Variants in FAM117A observed in about 807,000 individuals in gnomAD.
The protein encoded by FAM117A is protein FAM117A.
In FAM117A, 21 loss-of-function variants were observed where a neutral mutation model predicts 44.1. The observed-to-expected ratio is 0.48, with a 90% confidence interval of 0.34 to 0.69. FAM117A has a LOEUF of 0.69. Among genes scored for constraint, FAM117A ranks in the 30% least tolerant of loss-of-function variants. The pLI is 0.01. For missense variants in FAM117A, 498 were observed against 589.9 expected, an observed-to-expected ratio of 0.84 and a Z score of 1.61; for synonymous variants, 220 against 238.3, an observed-to-expected ratio of 0.92 and a Z score of 0.71.
At chr17:49,769,876 A>G (rs974721896) in intron 1 of FAM117A, among the ~76,000 whole-genome samples, 3 of 152,130 alleles carry the variant, frequency 2.0e-5, no homozygotes, top group African/African-American at 7.2e-5. Context: ...ATGCCCAGAC[A>G]AGGGGAGGAC....
intron 7 of FAM117A, among the ~76,000 whole-genome samples, chr17:49,711,832 G>A (rs1025742504): frequency 6.6e-6 from 1 of 152,202 alleles, no homozygotes; most frequent in Non-Finnish European, 1.5e-5. Flanking sequence ...TGGAGACCAA[G>A]AAATCTTTTC....
intron 7 of FAM117A, among the ~76,000 whole-genome samples, chr17:49,714,749 C>T (rs541205946): frequency 2.6e-5 from 4 of 151,658 alleles, no homozygotes; most frequent in South Asian, 2.1e-4. Flanking sequence ...CAGGTTCAAG[C>T]GATTCTCCTG....
intron 7 of FAM117A, among the ~76,000 whole-genome samples, chr17:49,715,830 C>G (rs1195608213): frequency 6.6e-6 from 1 of 152,156 alleles, no homozygotes; most frequent in Non-Finnish European, 1.5e-5. Flanking sequence ...CTCTCTCTCT[C>G]TGATTATGGT....
At chr17:49,782,705 A>AAC (rs1477606073) in intron 1 of FAM117A, among the ~76,000 whole-genome samples, 1 of 150,870 alleles carries the variant, frequency 6.6e-6, no homozygotes, top group African/African-American at 2.5e-5. Flanking sequence ...AAAAAAAAAA[A>AAC]AAAAAACCCT....
In FAM117A at chr17:49,731,616, G is replaced by C. The variant is rs144378638; in HGVS notation, c.366+935C>G. Reference sequence around the variant, plus strand: ...CTTGAATGGGTACACTGAAATCCCAGTCGGGGCTGCTGGCAAGGAAGAATT... The same window carrying C: ...CTTGAATGGGTACACTGAAATCCCACTCGGGGCTGCTGGCAAGGAAGAATT... On this transcript the variant is annotated intron_variant, in intron 2 of 7. Coordinates refer to ENST00000240364, the MANE Select transcript of FAM117A (RefSeq NM_030802.4). Among the ~76,000 whole-genome samples, 43 of 152,300 alleles carry C rather than the reference G, an allele frequency of 2.8e-4. No homozygotes were observed. The East Asian group carries it at 7.5e-3, about 27-fold the overall frequency.
intron 1 of FAM117A, among the ~76,000 whole-genome samples, chr17:49,740,492 G>A (rs917714279): frequency 1.4e-4 from 21 of 152,078 alleles, no homozygotes; most frequent in African/African-American, 4.1e-4. Flanking sequence ...CTTGTGATCC[G>A]CCCACCTTGT....
chr17:49,734,115 C>A (rs546210822), intron 1 of FAM117A, among the ~76,000 whole-genome samples: 1 of 149,800 alleles, frequency 6.7e-6, no homozygotes, highest in Non-Finnish European at 1.5e-5. Flanking sequence ...TGCTCTCCAG[C>A]CTGGACAACA....
chr17:49,716,331 G>C lies in FAM117A; in HGVS notation c.911-16C>G, dbSNP rs1567825422. Reference sequence around the variant, plus strand: ...GGAGAGGAGGCTGTGAACAGAGCAAGGCTAAGTCTAGTGGAGATGAAGGGA... The same window carrying C: ...GGAGAGGAGGCTGTGAACAGAGCAACGCTAAGTCTAGTGGAGATGAAGGGA... On this transcript the variant is annotated splice_polypyrimidine_tract_variant and intron_variant, in intron 6 of 7. Transcript: ENST00000240364. The C allele has an allele frequency of 1.3e-6, 2 of 1,546,762 alleles. No individual in the cohort carries two copies. Among genetic ancestry groups the C allele is most frequent in the East Asian group, 4.6e-5 (2 of 43,804 alleles).
intron 1 of FAM117A, among the ~76,000 whole-genome samples, chr17:49,740,863 A>G (rs997770264): frequency 1.3e-5 from 2 of 152,216 alleles, no homozygotes; most frequent in Non-Finnish European, 2.9e-5. Flanking sequence ...CAGGAATGGC[A>G]TTAGAGGAAA....
At chr17:49,779,768 G>A (rs1740267234) in intron 1 of FAM117A, among the ~76,000 whole-genome samples, 1 of 152,128 alleles carries the variant, frequency 6.6e-6, no homozygotes, top group African/African-American at 2.4e-5. Flanking sequence ...GTTTTCCAGG[G>A]GTATTAATGG....
intron 6 of FAM117A, among the ~76,000 whole-genome samples, chr17:49,717,069 T>TA (rs1028712494): frequency 6.0e-4 from 87 of 144,940 alleles, no homozygotes; most frequent in South Asian, 8.7e-4. Context: ...AGATTTGGAG[T>TA]AAAAAAAAAA....
intron 1 of FAM117A, among the ~76,000 whole-genome samples, chr17:49,759,625 C>T (rs866115810): frequency 3.0e-4 from 45 of 152,302 alleles, no homozygotes; most frequent in Middle Eastern, 3.4e-3. Flanking sequence ...AGTAGCCACA[C>T]GGACCAGTTT....
chr17:49,751,004 G>C (rs958599831), intron 1 of FAM117A, among the ~76,000 whole-genome samples: 2 of 152,030 alleles, frequency 1.3e-5, no homozygotes, highest in African/African-American at 4.8e-5. Context: ...TTTCGGCTGG[G>C]TACAATGGCG....
intron 1 of FAM117A, among the ~76,000 whole-genome samples, chr17:49,756,502 G>C (rs2073699046): frequency 6.6e-6 from 1 of 151,762 alleles, no homozygotes; most frequent in African/African-American, 2.4e-5. Flanking sequence ...AGAGAGTTCA[G>C]AGTCAGAAAG....
intron 7 of FAM117A, among the ~76,000 whole-genome samples, chr17:49,712,390 C>T (rs766872076): frequency 2.6e-5 from 4 of 152,194 alleles, no homozygotes; most frequent in Non-Finnish European, 5.9e-5. Context: ...CACGACTCCT[C>T]CCCTCTAGTT....
At chr17:49,768,933 T>C (rs1484135374), upstream of FAM117A, among the ~76,000 whole-genome samples, 1 of 152,238 alleles carries the variant, frequency 6.6e-6, no homozygotes, top group Non-Finnish European at 1.5e-5. Flanking sequence ...TGGCTGACAT[T>C]CACCCCTTCA....
At chr17:49,788,670 G>A (rs1325856867), upstream of FAM117A, 16 of 666,204 alleles carry the variant, frequency 2.4e-5, no homozygotes, top group Non-Finnish European at 3.3e-5. Flanking sequence ...GCTTCAGCCC[G>A]CGGCGCCTGC....
intron 1 of FAM117A, among the ~76,000 whole-genome samples, chr17:49,733,916 G>C (rs539043975): frequency 6.6e-6 from 1 of 152,002 alleles, no homozygotes; most frequent in Non-Finnish European, 1.5e-5. Context: ...GTCGAGGCAG[G>C]TGGATCATGA....
chr17:49,728,816 C>A (rs2073571791), intron 2 of FAM117A, among the ~76,000 whole-genome samples: 1 of 152,248 alleles, frequency 6.6e-6, no homozygotes, highest in Admixed American at 6.5e-5. Context: ...GTCATCTCTC[C>A]CGTTGCTCAA....
Sources: allele counts gnomAD v4.1 joint callset (sites outside exome capture counted in the v4.1 genomes callset), GRCh38; gene constraint gnomAD v4.1.1; transcripts MANE v1.5; gene names NCBI Gene and HGNC (gene_info 2026-07-23, HGNC 2026-07-21).